The following LSAMP variants were observed in gnomAD, a reference collection of about 807,000 sequenced individuals.
LSAMP encodes limbic system-associated membrane protein.
Under a neutral mutation model 38.6 loss-of-function variants are expected in LSAMP, and 7 were observed. The ratio of observed to expected loss-of-function variants is 0.18; its 90% CI spans 0.10 to 0.34. The LOEUF is 0.34. Ranked by LOEUF, LSAMP falls within the 10% of genes least tolerant of loss-of-function variation. The pLI is 1.00. For missense variants in LSAMP, 313 were observed against 420.0 expected (o/e 0.75, Z 2.23); for synonymous variants, 154 against 166.8 (o/e 0.92, Z 0.59).
intron 3 of LSAMP, among the ~76,000 whole-genome samples, chr3:115,879,090 A>G (rs1465950258): frequency 1.3e-5 from 2 of 152,130 alleles, no homozygotes; most frequent in Admixed American, 1.3e-4. Flanking sequence ...TTGGGGCTGC[A>G]AGTTCAGTCA....
intron 3 of LSAMP, among the ~76,000 whole-genome samples, chr3:115,908,301 G>A (rs191494832): frequency 2.0e-5 from 3 of 152,084 alleles, no homozygotes; most frequent in African/African-American, 7.2e-5. Context: ...AATGATTTTA[G>A]TTTACCCTAA....
chr3:116,171,805 C>A (rs973932169), intron 1 of LSAMP, among the ~76,000 whole-genome samples: 2 of 151,926 alleles, frequency 1.3e-5, no homozygotes, highest in Non-Finnish European at 2.9e-5. Flanking sequence ...AGAGGATCAA[C>A]TTTTAGACAG....
chr3:115,905,974 A>G (rs1337564283), intron 3 of LSAMP, among the ~76,000 whole-genome samples: 2 of 152,156 alleles, frequency 1.3e-5, no homozygotes, highest in South Asian at 2.1e-4. Context: ...ACATGAGACT[A>G]GTACAAGACT....
Position 115,960,959 on chromosome 3 carries a change from A to T in LSAMP, c.514+58556T>A, listed in dbSNP as rs537809829. Among the ~76,000 whole-genome samples the T allele has an allele frequency of 3.3e-5, 5 of 152,326 alleles. No homozygotes were observed. In the East Asian group the frequency reaches 9.7e-4, roughly 29 times the overall value. ...AGTCAGCTGGTGTGCCTGCGCCTGC[A>T]GTAATATCTCCCCAGCATCCTCCCA... On this transcript the variant is annotated intron_variant, in intron 3 of 6. Transcript: ENST00000490035.
intron 1 of LSAMP, among the ~76,000 whole-genome samples, chr3:116,426,899 TAA>T (rs11361820): frequency 2.1e-3 from 306 of 147,894 alleles, no homozygotes; most frequent in Middle Eastern, 3.5e-3. Context: ...GCCTCAAGGT[TAA>T]AAAAAAAAAA....
At chr3:116,145,412 G>A (rs900436967) in intron 1 of LSAMP, among the ~76,000 whole-genome samples, 2 of 151,824 alleles carry the variant, frequency 1.3e-5, no homozygotes, top group Non-Finnish European at 2.9e-5. Context: ...TTGCAGATGA[G>A]GCCAACAGTC....
intron 1 of LSAMP, among the ~76,000 whole-genome samples, chr3:116,105,883 A>G (rs1040293177): frequency 2.0e-5 from 3 of 151,886 alleles, no homozygotes; most frequent in African/African-American, 7.3e-5. Context: ...ATGGAGAGAG[A>G]ATGGGCGATG....
chr3:116,000,472 C>G (rs1164993523), intron 3 of LSAMP, among the ~76,000 whole-genome samples: 1 of 152,128 alleles, frequency 6.6e-6, no homozygotes, highest in Non-Finnish European at 1.5e-5. Context: ...ACGCGGATGG[C>G]CACCTCACTG....
chr3:116,039,013 T>C (rs1175057703), intron 2 of LSAMP, among the ~76,000 whole-genome samples: 1 of 152,202 alleles, frequency 6.6e-6, no homozygotes, highest in Non-Finnish European at 1.5e-5. Context: ...CCAAGGTCTT[T>C]CTTTTTTTCC....
intron 3 of LSAMP, among the ~76,000 whole-genome samples, chr3:115,992,647 G>T (rs1009546800): frequency 5.3e-5 from 8 of 151,980 alleles, no homozygotes; most frequent in African/African-American, 1.9e-4. Flanking sequence ...CATTTATTTT[G>T]TGTATTGATG....
At chr3:115,829,975 T>C in intron 6 of LSAMP, among the ~76,000 whole-genome samples, 1 of 152,206 alleles carries the variant, frequency 6.6e-6, no homozygotes, top group East Asian at 1.9e-4. Flanking sequence ...TTATTTTAAA[T>C]TCAATATGCC....
At chr3:116,298,090 T>C (rs2047359597) in intron 1 of LSAMP, among the ~76,000 whole-genome samples, 1 of 152,202 alleles carries the variant, frequency 6.6e-6, no homozygotes, top group Admixed American at 6.5e-5. Flanking sequence ...TCTTTATCAT[T>C]CATCTAGGTG....
intron 2 of LSAMP, among the ~76,000 whole-genome samples, chr3:116,028,553 C>G (rs1283250974): frequency 6.6e-6 from 1 of 152,100 alleles, no homozygotes; most frequent in Non-Finnish European, 1.5e-5. Flanking sequence ...ATTGGAGGTA[C>G]AAGGTTGGCA....
intron 3 of LSAMP, among the ~76,000 whole-genome samples, chr3:115,950,293 T>C (rs1184845441): frequency 2.6e-5 from 4 of 152,114 alleles, no homozygotes; most frequent in Non-Finnish European, 5.9e-5. Flanking sequence ...GAAGTCAAAC[T>C]GGAGCTGTTC....
At chr3:116,326,928 C>G (rs1043253247) in intron 1 of LSAMP, among the ~76,000 whole-genome samples, 1 of 151,944 alleles carries the variant, frequency 6.6e-6, no homozygotes, top group Admixed American at 6.6e-5. Flanking sequence ...ATTCAAGGTC[C>G]AAGTTGAAAC....
At chr3:116,106,954 A>G (rs767669589) in intron 1 of LSAMP, among the ~76,000 whole-genome samples, 17 of 152,212 alleles carry the variant, frequency 1.1e-4, no homozygotes, top group Non-Finnish European at 2.4e-4. Context: ...CCTTGAGGAT[A>G]GATTTCCACA....
chr3:116,437,041 G>GTACA (rs1553736326), intron 1 of LSAMP, among the ~76,000 whole-genome samples: 2 of 144,164 alleles, frequency 1.4e-5, no homozygotes, highest in Middle Eastern at 3.4e-3. Flanking sequence ...ATATATATGT[G>GTACA]TATATATATA....
intron 1 of LSAMP, among the ~76,000 whole-genome samples, chr3:116,221,069 C>T (rs534990116): frequency 3.6e-5 from 5 of 138,424 alleles, no homozygotes; most frequent in Non-Finnish European, 6.1e-5. Flanking sequence ...TGGAGAATGG[C>T]GTGAAGCCGG....
At position 116,414,287 on chromosome 3, in the gene LSAMP, C is replaced by T. The variant is rs140445885; in HGVS notation, c.155+30590G>A. Among the ~76,000 whole-genome samples, 426 of 152,146 alleles carry T rather than the reference C, an allele frequency of 2.8e-3. 2 individuals carry two copies. The highest frequency in any genetic ancestry group is 9.6e-3 in the African/African-American group (400 of 41,530). ...TCTTTCCCTAAAATACCCCCTACTC[C>T]TTCAGTAGCAGGTTTCTCAAAATTC... is the stretch of plus-strand genomic sequence containing the variant. On this transcript the variant is annotated intron_variant, in intron 1 of 6. Transcript: ENST00000490035.
Sources: gnomAD v4.1 joint callset for allele counts (sites outside exome capture counted in the v4.1 genomes callset) on GRCh38, gnomAD v4.1.1 for gene constraint, MANE v1.5 for transcripts, NCBI Gene and HGNC (gene_info 2026-07-23, HGNC 2026-07-21) for gene names.